The following GRHPR variants were observed in gnomAD, a reference collection of about 807,000 sequenced individuals.
The protein encoded by GRHPR is glyoxylate reductase/hydroxypyruvate reductase.
GRHPR carries 35 observed loss-of-function variants against 36.8 expected under a neutral mutation model. The observed-to-expected ratio is 0.95, with a 90% confidence interval of 0.73 to 1.26. The LOEUF is 1.26. Among genes scored for constraint, GRHPR ranks in the 50% most tolerant of loss-of-function variants. GRHPR has a pLI of 0.00. For synonymous variants in GRHPR, 179 were observed against 181.0 expected (o/e 0.99, Z 0.09); for missense variants, 380 against 435.0 (o/e 0.87, Z 1.12).
rs1481841362 is a variant in GRHPR at position 37,436,702 on chromosome 9, A to T, written c.907A>T (p.Asn303Tyr). 1.2e-6 allele frequency: 2 copies of T among 1,614,034 alleles called. No homozygotes were observed. The highest frequency in any genetic ancestry group is 1.6e-4 in the Middle Eastern group (1 of 6,062). ...HIGSATHRTR[N>Y]TMSLLAANNL... ...TGGCAGTGCCACCCACAGAACCCGC[A>T]ACACCATGTCCTTGTTGGCAGCTAA... Residue 303 changes from asparagine to tyrosine, a missense_variant, in exon 9 of 9, where the codon AAC becomes TAC. Asn to Tyr is a moderately radical substitution (Grantham distance 143, BLOSUM62 -2). Coordinates refer to ENST00000318158, the MANE Select transcript of GRHPR (RefSeq NM_012203.2).
intron 7 of GRHPR, 148 bp downstream of exon 7, chr9:37,430,794 G>C (rs572010687): frequency 9.1e-6 from 7 of 771,150 alleles, no homozygotes; most frequent in South Asian, 7.3e-5. Context: ...TCAGAAATTC[G>C]TGGGAATACA....
chr9:37,422,540 C>A, upstream of GRHPR: 1 of 609,112 alleles, frequency 1.6e-6, no homozygotes, highest in South Asian at 1.9e-5. Flanking sequence ...CACACAAGGA[C>A]ACTGTGTAGG....
Position 37,422,699 on chromosome 9 carries a change from T to C in GRHPR, c.-52T>C, listed in dbSNP as rs1235647049. The C allele has an allele frequency of 7.2e-7, 1 of 1,389,888 alleles. No individual in the cohort carries two copies. The highest frequency in any genetic ancestry group is 1.4e-5 in the African/African-American group (1 of 70,094). The allele number at this position is 1,389,888 out of a possible 1,614,324, so 86.1% of individuals were successfully genotyped here. On this transcript the variant is annotated 5_prime_UTR_variant, in exon 1 of 9. Coordinates refer to ENST00000318158, the MANE Select transcript of GRHPR (RefSeq NM_012203.2). ...CTGGCCCCGCCCCGGCCCAGCTACA[T>C]TCCCGGGCCAGCTTCTGTACTGCCA...
chr9:37,428,992 C>T (rs1005094805), intron 5 of GRHPR: 4 of 344,024 alleles, frequency 1.2e-5, no homozygotes, highest in Non-Finnish European at 1.7e-5. Context: ...AGTTGATCTG[C>T]AGTTCTGCAG....
chr9:37,422,666 A>G (rs968331410), upstream of GRHPR: 28 of 1,110,968 alleles, frequency 2.5e-5, no homozygotes, highest in Admixed American at 5.9e-5. Context: ...TCTCCCGCCC[A>G]CTCCAGCCTG....
chr9:37,429,862 G>A (rs374935410), intron 6 of GRHPR, 26 bp downstream of exon 6: 2 of 1,307,822 alleles, frequency 1.5e-6, no homozygotes, highest in Non-Finnish European at 2.2e-6. Flanking sequence ...ATTTCCACAG[G>A]AGCCTATCTG....
downstream of GRHPR, chr9:37,438,641 AG>A (rs1171385091): frequency 2.0e-5 from 3 of 152,338 alleles, no homozygotes; most frequent in Admixed American, 6.5e-5. Flanking sequence ...CCCTGGGTCC[AG>A]GCAGGGCCTC....
In GRHPR at chr9:37,436,816, C is replaced by A. The variant is rs1439536696; in HGVS notation, c.*34C>A. 6.8e-6 allele frequency: 11 copies of A among 1,612,874 alleles called. No homozygotes were observed. In the East Asian group the frequency reaches 2.5e-4, roughly 36 times the overall value. ...TAGAGATGGAGGGCCGGGAAGCAAA[C>A]CGTGCCCTGGTATTGTCAGACACAC... is the stretch of plus-strand genomic sequence containing the variant. On this transcript the variant is annotated 3_prime_UTR_variant, in exon 9 of 9. Coordinates refer to ENST00000318158, the MANE Select transcript of GRHPR (RefSeq NM_012203.2).
At chr9:37,423,012 CT>C (rs771444258) in intron 1 of GRHPR, among the ~76,000 whole-genome samples, 179 bp downstream of exon 1, 14 of 152,116 alleles carry the variant, frequency 9.2e-5, no homozygotes, top group Non-Finnish European at 1.0e-4. Context: ...GCAGTTCCGG[CT>C]TTGGAGAGGG....
At chr9:37,436,558 T>C in intron 8 of GRHPR, 103 bp from the exon 9 acceptor site, 1 of 1,252,996 alleles carries the variant, frequency 8.0e-7, no homozygotes, top group African/African-American at 1.5e-5. Context: ...AGGTAGTCTC[T>C]CTTTATTCTT....
chr9:37,424,833 C>T lies in GRHPR; in HGVS notation c.84-12C>T, dbSNP rs1822999635. On this transcript the variant is annotated splice_polypyrimidine_tract_variant and intron_variant, in intron 1 of 8. Transcript: ENST00000318158. ...GCTCCTGCTTCTCCTGAGGGCCTCC[C>T]TTTCCCCGCAGCTGTGAGGTGGAGC... 1.9e-6 allele frequency: 3 copies of T among 1,612,490 alleles called. No homozygotes were observed. The highest frequency in any genetic ancestry group is 1.1e-5 in the South Asian group (1 of 90,974).
At chr9:37,435,540 T>C (rs926654383) in intron 8 of GRHPR, among the ~76,000 whole-genome samples, 1 of 152,116 alleles carries the variant, frequency 6.6e-6, no homozygotes, top group Non-Finnish European at 1.5e-5. Flanking sequence ...GATGCAATGT[T>C]CTTGAGAGGA....
chr9:37,427,239 C>T (rs796143388), intron 4 of GRHPR, among the ~76,000 whole-genome samples: 32 of 152,224 alleles, frequency 2.1e-4, no homozygotes, highest in African/African-American at 6.3e-4. Context: ...AGCAGGTGGG[C>T]GTCCGCTTGA....
At position 37,428,580 on chromosome 9, in the gene GRHPR, TC is replaced by T; in HGVS notation, c.493+11del. On this transcript the variant is annotated intron_variant, in intron 5 of 8. Transcript: ENST00000318158. ...TCGGGCTGGGGCGCATAGGTGAGGC[TC>T]CCACCGGCCCGCTTGCCCGCCCCGG... 2 of 1,582,618 alleles carry T rather than the reference TC, an allele frequency of 1.3e-6. No homozygotes were observed. Among genetic ancestry groups the T allele is most frequent in the Non-Finnish European group, 1.7e-6 (2 of 1,156,954 alleles).
chr9:37,437,065 A>G, downstream of GRHPR: 1 of 397,628 alleles, frequency 2.5e-6, no homozygotes, highest in East Asian at 5.8e-5. Flanking sequence ...CTATAGTCCC[A>G]GCAACTCAGG....
At chr9:37,439,269 G>C (rs1330670787), downstream of GRHPR, 1 of 152,194 alleles carries the variant, frequency 6.6e-6, no homozygotes. Context: ...GGCCCAGAGA[G>C]GCCCTAGTGC....
At chr9:37,428,254 C>T (rs1823178244) in intron 4 of GRHPR, 3 of 592,690 alleles carry the variant, frequency 5.1e-6, no homozygotes, top group Non-Finnish European at 9.1e-6. Context: ...AGGATGAGAG[C>T]CAGTAAGGCC....
In GRHPR at chr9:37,436,896, GA is replaced by G. The variant is rs1564305955; in HGVS notation, c.*117del. 1.7e-6 allele frequency: 2 copies of G among 1,169,016 alleles called. No individual in the cohort carries two copies. Among genetic ancestry groups the G allele is most frequent in the African/African-American group, 3.0e-5 (2 of 66,442 alleles). The allele number at this position is 1,169,016 out of a possible 1,614,324, so 72.4% of individuals were successfully genotyped here. ...CCAAGGGAAGGTGTGATTCTCTGAG[GA>G]AAGAGTGATTCTGATATATGTACTT... On this transcript the variant is annotated 3_prime_UTR_variant, in exon 9 of 9. Coordinates refer to ENST00000318158, the MANE Select transcript of GRHPR (RefSeq NM_012203.2).
At position 37,429,763 on chromosome 9, in the gene GRHPR, C is replaced by T. The variant is rs749885934; in HGVS notation, c.525C>T (p.Phe175=). The change falls in exon 6 of 9, where the codon TTC becomes TTT. Residue 175 remains phenylalanine (F), a synonymous_variant. Transcript: ENST00000318158. ...CCATTGCTCGGCGTCTGAAACCATT[C>T]GGTGTCCAGAGATTTCTGTACACAG... The part of the protein sequence containing the change: ...GQAIARRLKP[F]GVQRFLYTGR... The T allele has an allele frequency of 9.3e-6, 15 of 1,613,042 alleles. No individual in the cohort carries two copies. The highest frequency in any genetic ancestry group is 4.0e-5 in the African/African-American group (3 of 74,924).
Sources: allele counts gnomAD v4.1 joint callset (sites outside exome capture counted in the v4.1 genomes callset), GRCh38; gene constraint gnomAD v4.1.1; transcripts MANE v1.5; gene names NCBI Gene and HGNC (gene_info 2026-07-23, HGNC 2026-07-21).